The following DAOA variants were observed in gnomAD, a reference collection of about 807,000 sequenced individuals.
DAOA encodes D-amino acid oxidase activator.
In DAOA, 15 loss-of-function variants were observed where a neutral mutation model predicts 16.4. That is an observed-to-expected ratio of 0.91 (90% CI 0.61 to 1.41). The LOEUF is 1.41. DAOA is among the 40% of genes most tolerant of loss of function. DAOA has a pLI of 0.00. For missense variants in DAOA, 230 were observed against 176.8 expected, an observed-to-expected ratio of 1.30 and a Z score of -1.71; for synonymous variants, 75 against 59.1, an observed-to-expected ratio of 1.27 and a Z score of -1.23.
intron 3 of DAOA, 118 bp downstream of exon 3, chr13:105,467,259 T>A: frequency 3.4e-6 from 4 of 1,169,860 alleles, no homozygotes; most frequent in Non-Finnish European, 4.6e-6. Flanking sequence ...TCAATTAATT[T>A]GTAAGATACA....
In DAOA at chr13:105,490,190, G is replaced by C. The variant is rs184876865; in HGVS notation, c.*109G>C. The C allele has an allele frequency of 2.5e-6, 3 of 1,206,010 alleles. No individual in the cohort carries two copies. The highest frequency in any genetic ancestry group is 3.1e-5 in the African/African-American group (2 of 64,122). The allele number at this position is 1,206,010 out of a possible 1,614,324, so 74.7% of individuals were successfully genotyped here. A position where few individuals can be genotyped will look rare whatever the true frequency, so the allele number is the denominator to read the frequency against. Reference sequence around the variant, plus strand: ...GTGTCTGGGACCCAGCTGATAACACGTGGTAATATGTTTTATAAAATTATA... The same window carrying C: ...GTGTCTGGGACCCAGCTGATAACACCTGGTAATATGTTTTATAAAATTATA... On this transcript the variant is annotated splice_region_variant and 3_prime_UTR_variant, in exon 5 of 6. Coordinates refer to ENST00000375936, the MANE Select transcript of DAOA (RefSeq NM_172370.5).
intron 3 of DAOA, among the ~76,000 whole-genome samples, chr13:105,469,235 T>C (rs1456473658): frequency 6.6e-6 from 1 of 152,204 alleles, no homozygotes; most frequent in Non-Finnish European, 1.5e-5. Flanking sequence ...TGTTCTCTTA[T>C]CACCATCCAC....
At chr13:105,481,693 T>C (rs1877755780) in intron 4 of DAOA, among the ~76,000 whole-genome samples, 1 of 152,186 alleles carries the variant, frequency 6.6e-6, no homozygotes, top group Admixed American at 6.5e-5. Flanking sequence ...TCCTTTTCTG[T>C]GGTAGTGGAA....
Position 105,490,176 on chromosome 13 carries a change from C to T in DAOA, c.*95C>T. The T allele has an allele frequency of 1.4e-6, 2 of 1,384,026 alleles. No homozygotes were observed. The highest frequency in any genetic ancestry group is 1.9e-6 in the Non-Finnish European group (2 of 1,058,984). The allele number at this position is 1,384,026 out of a possible 1,614,324, so 85.7% of individuals were successfully genotyped here. A position where few individuals can be genotyped will look rare whatever the true frequency, so the allele number is the denominator to read the frequency against. On this transcript the variant is annotated 3_prime_UTR_variant, in exon 5 of 6. Transcript: ENST00000375936. ...CTCTGACGGACTCTGTGTCTGGGAC[C>T]CAGCTGATAACACGTGGTAATATGT...
At chr13:105,483,272 G>C (rs1488345187) in intron 4 of DAOA, among the ~76,000 whole-genome samples, 1 of 152,120 alleles carries the variant, frequency 6.6e-6, no homozygotes, top group Non-Finnish European at 1.5e-5. Context: ...CATTAGAGTT[G>C]TTTCCAGGTT....
intron 2 of DAOA, 31 bp from the exon 3 acceptor site, chr13:105,467,022 G>T: frequency 1.2e-6 from 2 of 1,603,768 alleles, no homozygotes; most frequent in South Asian, 2.2e-5. Context: ...AAAGGAATCT[G>T]AACACGACTG....
intron 4 of DAOA, among the ~76,000 whole-genome samples, chr13:105,477,660 T>C (rs1385313486): frequency 6.6e-6 from 1 of 151,912 alleles, no homozygotes; most frequent in Non-Finnish European, 1.5e-5. Context: ...GAAAGGAGAG[T>C]ATTCAGTGAG....
intron 4 of DAOA, among the ~76,000 whole-genome samples, chr13:105,476,608 G>A (rs556239120): frequency 1.8e-4 from 28 of 151,370 alleles, no homozygotes; most frequent in African/African-American, 6.8e-4. Context: ...AATGAGGTGG[G>A]TATTTTAAAA....
At chr13:105,470,116 A>ATTTTT (rs33937275) in intron 3 of DAOA, among the ~76,000 whole-genome samples, 1 of 142,260 alleles carries the variant, frequency 7.0e-6, no homozygotes, top group Non-Finnish European at 1.5e-5. Context: ...GCTCATTGGA[A>ATTTTT]TTTTTTTTTT....
intron 3 of DAOA, among the ~76,000 whole-genome samples, chr13:105,469,403 T>C (rs776644657): frequency 1.3e-5 from 2 of 152,218 alleles, no homozygotes; most frequent in Non-Finnish European, 2.9e-5. Flanking sequence ...GAAATTCACA[T>C]TATCCAATCC....
intron 2 of DAOA, 128 bp downstream of exon 2, chr13:105,466,460 G>A: frequency 6.7e-7 from 1 of 1,490,264 alleles, no homozygotes. Context: ...TTGGAAGCCT[G>A]AGCCCAGTAT....
intron 4 of DAOA, among the ~76,000 whole-genome samples, chr13:105,475,739 A>G (rs76327466): frequency 0.037 from 5,673 of 152,300 alleles, 138 homozygotes; most frequent in South Asian, 0.063. Flanking sequence ...AGAATATTAC[A>G]TTATGAATCT....
At chr13:105,472,506 T>G (rs1285448030) in intron 3 of DAOA, 32 bp from the exon 4 acceptor site, 3 of 1,599,512 alleles carry the variant, frequency 1.9e-6, no homozygotes, top group African/African-American at 1.4e-5. Context: ...AGAGTTAATA[T>G]GTATTATATA....
intron 3 of DAOA, among the ~76,000 whole-genome samples, chr13:105,469,588 C>T (rs925973147): frequency 3.2e-4 from 48 of 152,148 alleles, no homozygotes; most frequent in African/African-American, 1.1e-3. Context: ...GCCTTCACAT[C>T]GTTGTGAGAG....
chr13:105,473,287 G>A (rs1252306905), intron 4 of DAOA, among the ~76,000 whole-genome samples: 1 of 151,820 alleles, frequency 6.6e-6, no homozygotes, highest in Non-Finnish European at 1.5e-5. Context: ...AATATCTGAT[G>A]CTATCTATCT....
intron 4 of DAOA, among the ~76,000 whole-genome samples, chr13:105,485,235 G>A (rs746123966): frequency 6.6e-6 from 1 of 152,038 alleles, no homozygotes; most frequent in Non-Finnish European, 1.5e-5. Flanking sequence ...AATTCCAAAG[G>A]CATTTTTAAC....
At chr13:105,482,654 C>A (rs1364860425) in intron 4 of DAOA, among the ~76,000 whole-genome samples, 2 of 151,876 alleles carry the variant, frequency 1.3e-5, no homozygotes, top group Admixed American at 6.6e-5. Context: ...ATTACAGGTG[C>A]CCACCACCAC....
chr13:105,482,116 G>A lies in DAOA; in HGVS notation c.282-7785G>A, dbSNP rs572610445. Among the ~76,000 whole-genome samples, 382 of 152,112 alleles carry A rather than the reference G, an allele frequency of 2.5e-3. 1 individual carries two copies. The highest frequency in any genetic ancestry group is 0.022 in the South Asian group (108 of 4,814). ...ATTCACTATCACAAGAACAGCACAG[G>A]AAAGACCTGCCCCCATGATTCAGTT... On this transcript the variant is annotated intron_variant, in intron 4 of 5. Transcript: ENST00000375936.
chr13:105,482,505 A>T (rs7989006), intron 4 of DAOA, among the ~76,000 whole-genome samples: 2 of 144,510 alleles, frequency 1.4e-5, no homozygotes, highest in Non-Finnish European at 3.0e-5. Context: ...CCTTGGTGTA[A>T]GTTTTTTTTT....
Sources: allele counts gnomAD v4.1 joint callset (sites outside exome capture counted in the v4.1 genomes callset), GRCh38; gene constraint gnomAD v4.1.1; transcripts MANE v1.5; gene names NCBI Gene and HGNC (gene_info 2026-07-23, HGNC 2026-07-21).